The following PLXDC1 variants were observed in gnomAD, a reference collection of about 807,000 sequenced individuals.
The protein encoded by PLXDC1 is plexin domain-containing protein 1.
PLXDC1 carries 39 observed loss-of-function variants against 61.3 expected under a neutral mutation model. The ratio of observed to expected loss-of-function variants is 0.64; its 90% CI spans 0.49 to 0.83. The LOEUF (loss-of-function observed/expected upper bound fraction) is 0.83, where lower values mean the gene tolerates loss of function less well. PLXDC1 is among the 40% of genes least tolerant of loss of function. PLXDC1 has a pLI of 0.00. For missense variants in PLXDC1, 596 were observed against 666.5 expected (o/e 0.89, Z 1.17); for synonymous variants, 212 against 254.5 (o/e 0.83, Z 1.59).
intron 2 of PLXDC1, among the ~76,000 whole-genome samples, chr17:39,121,379 G>A (rs1911156762): frequency 6.6e-6 from 1 of 152,144 alleles, no homozygotes; most frequent in African/African-American, 2.4e-5. Flanking sequence ...AAGGCTTCTT[G>A]GGTTTGTGTT....
Position 39,064,007 on chromosome 17 carries a change from A to G in PLXDC1, c.*3833T>C, listed in dbSNP as rs141863271. 3.9e-4 allele frequency: 62 copies of G among 157,326 alleles called. No individual in the cohort carries two copies. The highest frequency in any genetic ancestry group is 3.4e-3 in the Middle Eastern group (1 of 298). 9.7% of individuals were successfully genotyped at this position (157,326 alleles called of 1,614,324 possible). Reference sequence around the variant, plus strand: ...AGCTCTTGTCATTGTTTATCTCTCAATTTAACAAACCAAGCTGAAGCCTGA... The same window carrying G: ...AGCTCTTGTCATTGTTTATCTCTCAGTTTAACAAACCAAGCTGAAGCCTGA... On this transcript the variant is annotated 3_prime_UTR_variant, in exon 14 of 14. Coordinates refer to ENST00000315392, the MANE Select transcript of PLXDC1 (RefSeq NM_020405.5).
At chr17:39,081,836 G>T (rs181137125) in intron 9 of PLXDC1, among the ~76,000 whole-genome samples, 87 of 151,894 alleles carry the variant, frequency 5.7e-4, no homozygotes, top group African/African-American at 2.1e-3. Context: ...TCAACTACAG[G>T]GGGGACTGAG....
At chr17:39,103,530 C>CTAA (rs941926712) in intron 7 of PLXDC1, among the ~76,000 whole-genome samples, 9 of 151,602 alleles carry the variant, frequency 5.9e-5, no homozygotes, top group East Asian at 1.9e-4. Flanking sequence ...GACCCTGTCT[C>CTAA]TAATAATAAT....
intron 11 of PLXDC1, among the ~76,000 whole-genome samples, chr17:39,076,908 G>T (rs967397037): frequency 6.6e-6 from 1 of 151,996 alleles, no homozygotes; most frequent in Non-Finnish European, 1.5e-5. Context: ...GCTAATTTTT[G>T]TATTTTTAGT....
At chr17:39,089,253 G>A (rs1909863821) in intron 7 of PLXDC1, among the ~76,000 whole-genome samples, 1 of 152,182 alleles carries the variant, frequency 6.6e-6, no homozygotes, top group African/African-American at 2.4e-5. Context: ...TGCCTCTCTG[G>A]CCACGCTGTG....
At position 39,148,233 on chromosome 17, in the gene PLXDC1, G is replaced by A. The variant is rs75779940; in HGVS notation, c.76+3129C>T. Among the ~76,000 whole-genome samples the A allele has an allele frequency of 7.8e-3, 1,187 of 152,186 alleles. 20 individuals carry two copies. The highest frequency in any genetic ancestry group is 0.027 in the African/African-American group (1,130 of 41,528). The stretch of plus-strand genomic sequence containing the variant: ...TTCCCTCCTTTTTTTAAAAAAAGAT[G>A]GGACCTCGTTATGCTGCCCTCACTA... On this transcript the variant is annotated intron_variant, in intron 1 of 13. Coordinates refer to ENST00000315392, the MANE Select transcript of PLXDC1 (RefSeq NM_020405.5).
chr17:39,105,992 G>A (rs887282595), intron 6 of PLXDC1, 39 bp from the exon 7 acceptor site: 7 of 1,425,438 alleles, frequency 4.9e-6, no homozygotes, highest in Non-Finnish European at 5.9e-6. Flanking sequence ...CCTCCCAAAC[G>A]CTCTGGGGCC....
chr17:39,115,743 T>C (rs2143741980), intron 2 of PLXDC1, among the ~76,000 whole-genome samples: 1 of 152,228 alleles, frequency 6.6e-6, no homozygotes, highest in South Asian at 2.1e-4. Flanking sequence ...GCATTTCATA[T>C]TTGTTACTGC....
At chr17:39,107,817 TCTC>T (rs78585879) in intron 5 of PLXDC1, 55,033 of 567,396 alleles carry the variant, frequency 0.097, 3,199 homozygotes, top group Non-Finnish European at 0.12. Flanking sequence ...GAATGTCTGT[TCTC>T]CTGGATTCAG....
intron 2 of PLXDC1, among the ~76,000 whole-genome samples, chr17:39,127,417 C>A (rs1271728479): frequency 1.3e-5 from 2 of 152,118 alleles, no homozygotes; most frequent in African/African-American, 4.8e-5. Flanking sequence ...GCTTCCCACT[C>A]CCACTGTGTG....
intron 2 of PLXDC1, among the ~76,000 whole-genome samples, chr17:39,130,762 A>G (rs1292944838): frequency 6.6e-6 from 1 of 151,924 alleles, no homozygotes; most frequent in Non-Finnish European, 1.5e-5. Flanking sequence ...GGGTTTCACC[A>G]CGTTGGCCGG....
chr17:39,129,730 AAAG>A (rs1002461007), intron 2 of PLXDC1, among the ~76,000 whole-genome samples: 4 of 37,520 alleles, frequency 1.1e-4, no homozygotes, highest in Non-Finnish European at 2.1e-4. Flanking sequence ...GAAAGAAAGA[AAAG>A]AAAGAAAGGA....
At chr17:39,102,705 T>TAC (rs553513409) in intron 7 of PLXDC1, among the ~76,000 whole-genome samples, 20,204 of 135,726 alleles carry the variant, frequency 0.15, 1,670 homozygotes, top group East Asian at 0.27. Flanking sequence ...TGCTATCAAA[T>TAC]ACACACACAC....
chr17:39,085,579 G>A (rs568616144), intron 8 of PLXDC1, among the ~76,000 whole-genome samples: 3 of 152,250 alleles, frequency 2.0e-5, no homozygotes, highest in South Asian at 2.1e-4. Context: ...TTAGCCTTGA[G>A]GTCTCACTGT....
At chr17:39,129,320 A>AGAAAGAAAG (rs1360904492) in intron 2 of PLXDC1, among the ~76,000 whole-genome samples, 1 of 86,856 alleles carries the variant, frequency 1.2e-5, no homozygotes, top group African/African-American at 4.5e-5. Flanking sequence ...TCTGTCTCAA[A>AGAAAGAAAG]AAAAAAAAAA....
chr17:39,076,166 C>G (rs974620550), intron 11 of PLXDC1, among the ~76,000 whole-genome samples: 1 of 151,722 alleles, frequency 6.6e-6, no homozygotes, highest in African/African-American at 2.4e-5. Context: ...CTCCCATAAC[C>G]CTGAATAACC....
intron 7 of PLXDC1, among the ~76,000 whole-genome samples, chr17:39,104,269 G>A (rs1910521921): frequency 6.6e-6 from 1 of 152,168 alleles, no homozygotes; most frequent in African/African-American, 2.4e-5. Flanking sequence ...AATAAACGCA[G>A]AGAGGTTGAG....
At chr17:39,097,494 G>A (rs552711433) in intron 7 of PLXDC1, among the ~76,000 whole-genome samples, 14 of 152,152 alleles carry the variant, frequency 9.2e-5, no homozygotes, top group East Asian at 7.7e-4. Flanking sequence ...CTCCCCAGGA[G>A]CAGAGGCTGT....
intron 9 of PLXDC1, among the ~76,000 whole-genome samples, chr17:39,082,060 T>C (rs1909583254): frequency 6.6e-6 from 1 of 151,164 alleles, no homozygotes; most frequent in Admixed American, 6.6e-5. Context: ...CCCAAGAGAG[T>C]GAATAAAAGC....
Sources: allele counts gnomAD v4.1 joint callset (sites outside exome capture counted in the v4.1 genomes callset), GRCh38; gene constraint gnomAD v4.1.1; transcripts MANE v1.5; gene names NCBI Gene and HGNC (gene_info 2026-07-23, HGNC 2026-07-21).